ARHGEF9: variants seen among roughly 807,000 people sequenced by gnomAD.
ARHGEF9 encodes the protein Cdc42 guanine nucleotide exchange factor 9, also known as rho guanine nucleotide exchange factor 9.
A neutral mutation model predicts 41.3 loss-of-function variants in ARHGEF9; 2 were observed. The ratio of observed to expected loss-of-function variants is 0.05; its 90% confidence interval spans 0.02 to 0.15. ARHGEF9 has a LOEUF of 0.15. Ranked by LOEUF, ARHGEF9 falls within the 10% of genes least tolerant of loss-of-function variation. The probability of loss-of-function intolerance (pLI) is 1.00; values close to 1 mark genes in which losing one functional copy is unlikely to be tolerated. For missense variants in ARHGEF9, 225 were observed against 424.7 expected (o/e 0.53, Z 4.13); for synonymous variants, 160 against 154.4 (o/e 1.04, Z -0.27).
At chrX:63,702,671 C>T (rs189199020) in intron 3 of ARHGEF9, among the ~76,000 whole-genome samples, 1 of 111,867 alleles carries the variant, frequency 8.9e-6, no homozygotes, top group East Asian at 2.8e-4. Flanking sequence ...GTGTTTAGAG[C>T]TCTCCCATAA....
intron 2 of ARHGEF9, among the ~76,000 whole-genome samples, chrX:63,713,754 T>A (rs2053109649): frequency 9.2e-6 from 1 of 108,422 alleles, no homozygotes; most frequent in Non-Finnish European, 1.9e-5. Flanking sequence ...AGCCCCAGTC[T>A]CAGCTTTCAG....
chrX:63,669,116 C>T (rs1268138256), intron 6 of ARHGEF9, among the ~76,000 whole-genome samples: 2 of 112,474 alleles, frequency 1.8e-5, no homozygotes, highest in South Asian at 3.7e-4. Context: ...CTTCACATGG[C>T]TGTTTGAGAG....
intron 6 of ARHGEF9, among the ~76,000 whole-genome samples, chrX:63,666,508 C>T (rs1348624606): frequency 8.0e-5 from 8 of 100,170 alleles, no homozygotes; most frequent in Non-Finnish European, 1.4e-4. Context: ...TTCTCCATCT[C>T]TCTTCTCTAT....
At chrX:63,663,398 C>T (rs1306485077) in intron 7 of ARHGEF9, among the ~76,000 whole-genome samples, 2 of 110,934 alleles carry the variant, frequency 1.8e-5, no homozygotes, top group Non-Finnish European at 3.8e-5. Context: ...ATTATTTAGC[C>T]ACTTCCTAGG....
chrX:63,769,592 A>T (rs1352596827), intron 1 of ARHGEF9, among the ~76,000 whole-genome samples: 1 of 111,976 alleles, frequency 8.9e-6, no homozygotes, highest in African/African-American at 3.2e-5. Context: ...CATCATAGAC[A>T]TAGAGGTTTA....
chrX:63,709,971 T>A (rs1395078685), intron 2 of ARHGEF9, among the ~76,000 whole-genome samples: 1 of 110,938 alleles, frequency 9.0e-6, no homozygotes, highest in Non-Finnish European at 1.9e-5. Flanking sequence ...GCCTTCCATT[T>A]TTTTTTCTAT....
intron 4 of ARHGEF9, among the ~76,000 whole-genome samples, chrX:63,684,533 C>A (rs1569467375): frequency 9.0e-6 from 1 of 110,755 alleles, no homozygotes; most frequent in East Asian, 2.8e-4. Flanking sequence ...TGAGTATATG[C>A]CCAAAGGAAA....
chrX:63,723,186 C>T (rs1176058039), intron 2 of ARHGEF9, among the ~76,000 whole-genome samples: 3 of 111,308 alleles, frequency 2.7e-5, no homozygotes, highest in African/African-American at 9.8e-5. Context: ...TAATATCTGT[C>T]TAGCACTGTG....
At position 63,706,371 on chromosome X, in the gene ARHGEF9, A is replaced by G. The variant is rs1057524386; in HGVS notation, c.289T>C (p.Cys97Arg). ...QNGHLDPNSD[C>R]LCLGRPLQNR... ...TGTAGTGGCCGCCCCAGACAGAGGC[A>G]GTCTGAATTGGGGTCCAGGTGTCCG... The change falls in exon 3 of 10, where the codon TGC (cysteine) becomes CGC (arginine). Residue 97 changes from cysteine to arginine, a missense_variant. Cys to Arg is a radical substitution (Grantham distance 180). Transcript: ENST00000671741. The G allele has an allele frequency of 8.3e-7, 1 of 1,206,888 alleles. No homozygotes were observed. Among genetic ancestry groups the G allele is most frequent in the Middle Eastern group, 2.3e-4 (1 of 4,333 alleles).
At chrX:63,778,470 T>A (rs1227793690) in intron 1 of ARHGEF9, among the ~76,000 whole-genome samples, 3 of 112,374 alleles carry the variant, frequency 2.7e-5, no homozygotes, top group Non-Finnish European at 3.8e-5. Context: ...GTCTTGGCAA[T>A]TAACATTTGG....
chrX:63,737,906 T>C (rs2054713032), intron 1 of ARHGEF9, among the ~76,000 whole-genome samples: 1 of 112,471 alleles, frequency 8.9e-6, no homozygotes, highest in Non-Finnish European at 1.9e-5. Flanking sequence ...TGGGGTTTTT[T>C]TCCTAATAAT....
At chrX:63,652,072 A>T (rs1376854048) in intron 8 of ARHGEF9, among the ~76,000 whole-genome samples, 2 of 111,764 alleles carry the variant, frequency 1.8e-5, no homozygotes, top group Non-Finnish European at 3.8e-5. Flanking sequence ...ATATGCAAGT[A>T]TGTATTAAAA....
intron 2 of ARHGEF9, among the ~76,000 whole-genome samples, chrX:63,715,676 C>G (rs1321810902): frequency 8.9e-6 from 1 of 112,065 alleles, no homozygotes; most frequent in African/African-American, 3.2e-5. Context: ...TAGCCTGTAT[C>G]CAGGCTGATG....
intron 1 of ARHGEF9, among the ~76,000 whole-genome samples, chrX:63,776,733 A>G (rs2056298951): frequency 9.0e-6 from 1 of 111,545 alleles, no homozygotes; most frequent in Non-Finnish European, 1.9e-5. Flanking sequence ...GTAGATAACA[A>G]AGTGGACTGT....
Position 63,768,787 on chromosome X carries a change from T to C in ARHGEF9, c.30+16329A>G, listed in dbSNP as rs781940808. Among the ~76,000 whole-genome samples the C allele has an allele frequency of 3.6e-5, 4 of 111,964 alleles. No homozygotes were observed. The South Asian group carries it at 1.5e-3, about 42-fold the overall frequency. On this transcript the variant is annotated intron_variant, in intron 1 of 9. Transcript: ENST00000671741. ...GCATTTCCCCTGCTGGTACATTTTT[T>C]CTTTGCCTGCCACCATCCACTTAAA...
chrX:63,676,832 C>T (rs782190414), intron 5 of ARHGEF9, among the ~76,000 whole-genome samples: 1 of 112,445 alleles, frequency 8.9e-6, no homozygotes, highest in Non-Finnish European at 1.9e-5. Context: ...AATTTAGTTC[C>T]TCAGTTGCAC....
At chrX:63,754,247 G>C in intron 1 of ARHGEF9, 1 of 1,152,129 alleles carries the variant, frequency 8.7e-7, no homozygotes, top group Non-Finnish European at 1.2e-6. Context: ...GCAACTATAC[G>C]CGCAGGCATT....
chrX:63,721,232 C>T (rs1178014167), intron 2 of ARHGEF9, among the ~76,000 whole-genome samples: 2 of 111,613 alleles, frequency 1.8e-5, no homozygotes, highest in Non-Finnish European at 1.9e-5. Flanking sequence ...GAACAATGGG[C>T]TTTCCTTTGA....
chrX:63,736,598 A>G (rs1340143870), intron 1 of ARHGEF9, among the ~76,000 whole-genome samples: 1 of 112,238 alleles, frequency 8.9e-6, no homozygotes, highest in African/African-American at 3.2e-5. Flanking sequence ...CAAGTTAGTT[A>G]GCAGCAGAGC....
Sources: allele counts gnomAD v4.1 joint callset (sites outside exome capture counted in the v4.1 genomes callset), GRCh38; gene constraint gnomAD v4.1.1; transcripts MANE v1.5; gene names NCBI Gene and HGNC (gene_info 2026-07-23, HGNC 2026-07-21).